Variants in CCDC3 observed in about 807,000 individuals in gnomAD.
CCDC3 encodes coiled-coil domain-containing protein 3.
In CCDC3, 24 loss-of-function variants were observed where a neutral mutation model predicts 21.4. The ratio of observed to expected loss-of-function variants is 1.12; its 90% CI spans 0.81 to 1.58. The LOEUF (loss-of-function observed/expected upper bound fraction) is 1.58. Ranked by LOEUF, CCDC3 falls within the 40% of genes most tolerant of loss-of-function variation. CCDC3 has a pLI of 0.00. For missense variants in CCDC3, 425 were observed against 360.9 expected (o/e 1.18, Z -1.44); for synonymous variants, 186 against 166.0 (o/e 1.12, Z -0.93).
chr10:12,932,875 T>C (rs1482155170), intron 2 of CCDC3, among the ~76,000 whole-genome samples: 2 of 152,210 alleles, frequency 1.3e-5, no homozygotes, highest in African/African-American at 4.8e-5. Flanking sequence ...CATTAACAGG[T>C]TTTAGATTTT....
At chr10:13,014,224 C>T (rs1325898977) in intron 5 of CCDC3, among the ~76,000 whole-genome samples, 9 of 151,460 alleles carry the variant, frequency 5.9e-5, no homozygotes, top group East Asian at 2.0e-4. Flanking sequence ...GAGGCTGAGG[C>T]GGGCAGATCA....
At chr10:12,998,925 C>T (rs1835805315) in intron 1 of CCDC3, among the ~76,000 whole-genome samples, 1 of 152,178 alleles carries the variant, frequency 6.6e-6, no homozygotes, top group Non-Finnish European at 1.5e-5. Context: ...CTCTAAGCTT[C>T]AGTATTCTAA....
intron 2 of CCDC3, among the ~76,000 whole-genome samples, chr10:12,912,131 C>T (rs1437597569): frequency 1.3e-5 from 2 of 150,648 alleles, no homozygotes; most frequent in Non-Finnish European, 3.0e-5. Flanking sequence ...CTTCGACATA[C>T]TGACTTTGGA....
At chr10:13,003,599 A>G (rs984926831), upstream of CCDC3, among the ~76,000 whole-genome samples, 12 of 152,210 alleles carry the variant, frequency 7.9e-5, no homozygotes, top group African/African-American at 2.4e-4. Context: ...TTAATTTTGT[A>G]TGACCCAGAA....
intron 2 of CCDC3, among the ~76,000 whole-genome samples, chr10:12,927,567 A>G (rs1219824642): frequency 6.6e-6 from 1 of 151,076 alleles, no homozygotes; most frequent in Non-Finnish European, 1.5e-5. Context: ...AAACTGGTTC[A>G]TTTATGCTAC....
chr10:13,095,422 T>C (rs1832618422), intron 3 of CCDC3, among the ~76,000 whole-genome samples: 1 of 141,676 alleles, frequency 7.1e-6, no homozygotes, highest in African/African-American at 2.6e-5. Context: ...AATTTTTCCA[T>C]GGATGGTGGT....
chr10:12,961,626 A>T (rs1835179818), intron 2 of CCDC3, among the ~76,000 whole-genome samples: 1 of 152,204 alleles, frequency 6.6e-6, no homozygotes, highest in Admixed American at 6.5e-5. Flanking sequence ...CTTGAGCTTG[A>T]AGCAACTCAG....
chr10:12,961,836 T>G (rs951702793), intron 2 of CCDC3, among the ~76,000 whole-genome samples: 13 of 152,274 alleles, frequency 8.5e-5, no homozygotes, highest in Middle Eastern at 3.4e-3. Flanking sequence ...AGTAGCTAGC[T>G]GCAGGCTGAA....
intron 2 of CCDC3, among the ~76,000 whole-genome samples, chr10:12,966,995 C>G (rs185121764): frequency 6.6e-6 from 1 of 152,202 alleles, no homozygotes; most frequent in Non-Finnish European, 1.5e-5. Context: ...TCTTCCAGAT[C>G]TCTTTTGCTG....
chr10:12,987,399 A>G (rs1259940868), intron 2 of CCDC3, among the ~76,000 whole-genome samples: 3 of 152,204 alleles, frequency 2.0e-5, no homozygotes, highest in African/African-American at 7.2e-5. Context: ...GAGCTGTAAC[A>G]TAACGCCTCA....
chr10:12,927,852 A>G (rs1289096440), intron 2 of CCDC3, among the ~76,000 whole-genome samples: 1 of 152,254 alleles, frequency 6.6e-6, no homozygotes, highest in Admixed American at 6.5e-5. Flanking sequence ...AATTCAGTCT[A>G]CATTTGAAAA....
chr10:13,028,221 C>T (rs1436049951), intron 5 of CCDC3, among the ~76,000 whole-genome samples: 4 of 152,150 alleles, frequency 2.6e-5, no homozygotes, highest in African/African-American at 4.8e-5. Flanking sequence ...ATAGTGAGTA[C>T]GTCTCATGAG....
exon 1 of CCDC3, chr10:13,099,507 T>C (rs1832690212): frequency 6.9e-6 from 1 of 145,782 alleles, no homozygotes; most frequent in Non-Finnish European, 1.5e-5. Flanking sequence ...CGCTCCTACC[T>C]TGTCATCCTG....
intron 4 of CCDC3, among the ~76,000 whole-genome samples, chr10:13,055,986 T>G (rs952874445): frequency 1.3e-5 from 2 of 152,220 alleles, no homozygotes; most frequent in African/African-American, 4.8e-5. Flanking sequence ...TGCAGAAACA[T>G]GGATACTTCC....
chr10:13,098,979 T>G (rs1178006199), intron 2 of CCDC3: 1 of 152,426 alleles, frequency 6.6e-6, no homozygotes, highest in African/African-American at 2.4e-5. Context: ...CCTCCCAAAG[T>G]GCTGGGATTA....
At chr10:13,042,640 G>A (rs567285936) in intron 5 of CCDC3, among the ~76,000 whole-genome samples, 2 of 150,324 alleles carry the variant, frequency 1.3e-5, no homozygotes, top group South Asian at 4.2e-4. Flanking sequence ...CGGGCGTGGT[G>A]GCTCACACCT....
At chr10:13,090,994 A>G (rs1170717595) in intron 3 of CCDC3, among the ~76,000 whole-genome samples, 1 of 152,186 alleles carries the variant, frequency 6.6e-6, no homozygotes, top group Non-Finnish European at 1.5e-5. Context: ...AGTAAGTCCT[A>G]GAGTCCAAGG....
At chr10:12,947,444 G>A (rs1834932508) in intron 2 of CCDC3, among the ~76,000 whole-genome samples, 3 of 152,124 alleles carry the variant, frequency 2.0e-5, no homozygotes, top group South Asian at 4.1e-4. Flanking sequence ...CACCACACCT[G>A]GCCTGTTCAC....
chr10:13,018,796 A>G (rs1836105558), intron 5 of CCDC3, among the ~76,000 whole-genome samples: 1 of 151,484 alleles, frequency 6.6e-6, no homozygotes, highest in African/African-American at 2.4e-5. Flanking sequence ...CAGCTGGGCG[A>G]GGTGGTGAGT....
Sources: allele counts gnomAD v4.1 joint callset (sites outside exome capture counted in the v4.1 genomes callset), GRCh38; gene constraint gnomAD v4.1.1; transcripts MANE v1.5; gene names NCBI Gene and HGNC (gene_info 2026-07-23, HGNC 2026-07-21).